TAF2: variants seen among roughly 807,000 people sequenced by gnomAD.
TAF2 encodes the protein TATA-box binding protein associated factor 2.
A neutral mutation model predicts 138.5 loss-of-function variants in TAF2; 61 were observed. The ratio of observed to expected loss-of-function variants is 0.44; its 90% CI spans 0.36 to 0.54. TAF2 has a LOEUF of 0.54. Among genes scored for constraint, TAF2 ranks in the 20% least tolerant of loss-of-function variants. The pLI is 0.00. For missense variants in TAF2, 1,090 were observed against 1,427.9 expected, an observed-to-expected ratio of 0.76 and a Z score of 3.81; for synonymous variants, 475 against 469.9, an observed-to-expected ratio of 1.01 and a Z score of -0.14.
intron 14 of TAF2, among the ~76,000 whole-genome samples, chr8:119,787,739 G>A (rs1163786712): frequency 6.6e-6 from 1 of 152,132 alleles, no homozygotes; most frequent in Admixed American, 6.5e-5. Context: ...CCATTACTGG[G>A]TATTACCCAA....
intron 18 of TAF2, among the ~76,000 whole-genome samples, chr8:119,774,994 T>C (rs1297093934): frequency 2.0e-5 from 3 of 151,166 alleles, no homozygotes; most frequent in Non-Finnish European, 4.4e-5. Flanking sequence ...TTAAAAAAAA[T>C]TGGAGGCCAG....
At chr8:119,741,068 TATG>T (rs1819575723) in intron 25 of TAF2, among the ~76,000 whole-genome samples, 1 of 152,128 alleles carries the variant, frequency 6.6e-6, no homozygotes, top group Non-Finnish European at 1.5e-5. Context: ...AGTCTTCCCA[TATG>T]ATGCCATGAG....
intron 21 of TAF2, among the ~76,000 whole-genome samples, chr8:119,756,981 G>T (rs562467919): frequency 6.6e-6 from 1 of 152,156 alleles, no homozygotes; most frequent in African/African-American, 2.4e-5. Flanking sequence ...GGATATAAGT[G>T]AGGAAGAAAG....
chr8:119,801,650 G>C (rs559126497), intron 6 of TAF2, 144 bp downstream of exon 6: 2 of 757,100 alleles, frequency 2.6e-6, no homozygotes, highest in African/African-American at 1.7e-5. Context: ...GGATGGTCTC[G>C]ATCTCCTGAC....
intron 2 of TAF2, among the ~76,000 whole-genome samples, chr8:119,824,428 C>CAAA (rs71304910): frequency 7.2e-5 from 9 of 125,632 alleles, no homozygotes; most frequent in African/African-American, 2.6e-4. Flanking sequence ...GACTCCGTCT[C>CAAA]AAAAAAAAAA....
At chr8:119,755,567 A>G (rs765765522) in intron 22 of TAF2, among the ~76,000 whole-genome samples, 13 of 152,194 alleles carry the variant, frequency 8.5e-5, no homozygotes, top group African/African-American at 3.1e-4. Context: ...AACAATAATA[A>G]TAAGTATTTT....
chr8:119,831,917 T>C (rs560486697), intron 1 of TAF2, among the ~76,000 whole-genome samples, 186 bp from the exon 2 acceptor site: 3 of 152,122 alleles, frequency 2.0e-5, no homozygotes, highest in Admixed American at 6.6e-5. Flanking sequence ...TCCCAGCACT[T>C]TGGGAGGCCA....
intron 6 of TAF2, 103 bp from the exon 7 acceptor site, chr8:119,797,949 A>C: frequency 1.8e-6 from 2 of 1,095,046 alleles, no homozygotes; most frequent in Admixed American, 4.6e-5. Flanking sequence ...TCATAAATCT[A>C]TTCTTTAATA....
intron 18 of TAF2, among the ~76,000 whole-genome samples, chr8:119,777,182 A>C (rs1012446583): frequency 6.6e-6 from 1 of 152,218 alleles, no homozygotes; most frequent in African/African-American, 2.4e-5. Flanking sequence ...ACATTTATAT[A>C]AAGAACTTCA....
intron 2 of TAF2, among the ~76,000 whole-genome samples, chr8:119,821,295 A>G (rs1218030456): frequency 9.2e-5 from 14 of 151,418 alleles, no homozygotes; most frequent in Admixed American, 9.2e-4. Flanking sequence ...CTAGCTTCTC[A>G]CTCCTTGCTT....
At chr8:119,796,748 A>G (rs530554443) in intron 8 of TAF2, among the ~76,000 whole-genome samples, 109 of 152,124 alleles carry the variant, frequency 7.2e-4, no homozygotes, top group Non-Finnish European at 1.3e-3. Context: ...CTTTAAATAC[A>G]TATAGAACAG....
intron 18 of TAF2, among the ~76,000 whole-genome samples, chr8:119,776,225 C>A (rs1167387767): frequency 6.6e-6 from 1 of 151,688 alleles, no homozygotes; most frequent in African/African-American, 2.4e-5. Context: ...TTAATGTATT[C>A]TTTTACAATG....
chr8:119,740,636 G>A (rs1204359239), intron 25 of TAF2, among the ~76,000 whole-genome samples: 1 of 141,352 alleles, frequency 7.1e-6, no homozygotes, highest in Non-Finnish European at 1.5e-5. Context: ...CTGCACTCCA[G>A]CCTGGATGAC....
chr8:119,737,041 C>T (rs1445788965), intron 25 of TAF2, among the ~76,000 whole-genome samples: 1 of 151,972 alleles, frequency 6.6e-6, no homozygotes, highest in African/African-American at 2.4e-5. Context: ...TTAACAAATA[C>T]ATTGTAAGGG....
chr8:119,817,106 G>A (rs993483990), intron 3 of TAF2, among the ~76,000 whole-genome samples: 8 of 152,230 alleles, frequency 5.3e-5, no homozygotes, highest in African/African-American at 1.9e-4. Flanking sequence ...ATGGCCAACA[G>A]AGCTATGGTT....
chr8:119,823,802 T>C (rs922919645), intron 2 of TAF2, among the ~76,000 whole-genome samples: 14 of 152,192 alleles, frequency 9.2e-5, no homozygotes, highest in African/African-American at 3.4e-4. Context: ...GAACTTCCTA[T>C]AGACTTGTTG....
chr8:119,801,517 C>T (rs1824259204), intron 6 of TAF2, among the ~76,000 whole-genome samples: 1 of 151,472 alleles, frequency 6.6e-6, no homozygotes, highest in Admixed American at 6.6e-5. Flanking sequence ...CAAGCTCTGC[C>T]TCCTGGGTTC....
At chr8:119,775,533 T>C (rs769655286) in intron 18 of TAF2, among the ~76,000 whole-genome samples, 5 of 151,642 alleles carry the variant, frequency 3.3e-5, no homozygotes, top group Non-Finnish European at 7.4e-5. Context: ...TGAAACCTCG[T>C]CTCTACTAAA....
intron 22 of TAF2, among the ~76,000 whole-genome samples, chr8:119,751,528 G>A (rs892725077): frequency 2.6e-5 from 4 of 152,146 alleles, no homozygotes; most frequent in Admixed American, 1.3e-4. Flanking sequence ...ATTCCAGACA[G>A]GGTTCATGAC....
Sources: gnomAD v4.1 joint callset for allele counts (sites outside exome capture counted in the v4.1 genomes callset) on GRCh38, gnomAD v4.1.1 for gene constraint, MANE v1.5 for transcripts, NCBI Gene and HGNC (gene_info 2026-07-23, HGNC 2026-07-21) for gene names.